The following TRPM3 variants were observed in gnomAD, a reference collection of about 807,000 sequenced individuals.
TRPM3 encodes long transient receptor potential channel 3.
TRPM3 carries 77 observed loss-of-function variants against 181.2 expected under a neutral mutation model. The ratio of observed to expected loss-of-function variants is 0.42; its 90% CI spans 0.35 to 0.51. The LOEUF (loss-of-function observed/expected upper bound fraction) is 0.51. TRPM3 is among the 20% of genes least tolerant of loss of function. TRPM3 has a pLI of 0.01. For synonymous variants in TRPM3, 745 were observed against 796.4 expected, an observed-to-expected ratio of 0.94 and a Z score of 1.09; for missense variants, 1,759 against 2,196.7, an observed-to-expected ratio of 0.80 and a Z score of 3.98.
At chr9:71,342,587 T>C (rs930477539) in intron 1 of TRPM3, among the ~76,000 whole-genome samples, 4 of 152,048 alleles carry the variant, frequency 2.6e-5, no homozygotes, top group African/African-American at 4.8e-5. Context: ...GTCAAGGATG[T>C]GCAGCAACAA....
chr9:70,771,706 T>C (rs1326273227), intron 7 of TRPM3, among the ~76,000 whole-genome samples: 1 of 152,212 alleles, frequency 6.6e-6, no homozygotes, highest in Non-Finnish European at 1.5e-5. Context: ...CTGTAAATCC[T>C]TGGATACCTG....
intron 1 of TRPM3, among the ~76,000 whole-genome samples, chr9:71,189,462 T>C (rs1182459935): frequency 6.6e-6 from 1 of 151,914 alleles, no homozygotes; most frequent in African/African-American, 2.4e-5. Flanking sequence ...GTCTGTATTG[T>C]TCATTTATTG....
At chr9:70,938,400 T>C (rs2096850505) in intron 1 of TRPM3, among the ~76,000 whole-genome samples, 1 of 152,200 alleles carries the variant, frequency 6.6e-6, no homozygotes, top group Non-Finnish European at 1.5e-5. Context: ...CCTTTGTACA[T>C]ATGCTAATGC....
At chr9:71,399,514 ATATTT>A (rs2093283255) in intron 1 of TRPM3, among the ~76,000 whole-genome samples, 3 of 136,066 alleles carry the variant, frequency 2.2e-5, no homozygotes, top group Non-Finnish European at 3.2e-5. Context: ...TTTACTCCTT[ATATTT>A]TCTTTTGTTT....
intron 1 of TRPM3, among the ~76,000 whole-genome samples, chr9:71,267,134 C>T (rs533449012): frequency 1.3e-5 from 2 of 152,036 alleles, no homozygotes; most frequent in African/African-American, 2.4e-5. Flanking sequence ...CACCTCCTGC[C>T]CCCTTCCTAT....
intron 1 of TRPM3, among the ~76,000 whole-genome samples, chr9:71,047,425 A>C (rs1223218766): frequency 6.6e-6 from 1 of 152,146 alleles, no homozygotes. Flanking sequence ...TTTTTTTCTG[A>C]AATTCTTATG....
At chr9:70,929,142 A>C (rs1440270926) in intron 1 of TRPM3, among the ~76,000 whole-genome samples, 1 of 152,046 alleles carries the variant, frequency 6.6e-6, no homozygotes, top group Non-Finnish European at 1.5e-5. Context: ...GTTGCTGGCT[A>C]ATTACAATAG....
At chr9:71,043,570 A>G (rs988743755) in intron 1 of TRPM3, among the ~76,000 whole-genome samples, 2 of 152,198 alleles carry the variant, frequency 1.3e-5, no homozygotes, top group African/African-American at 4.8e-5. Flanking sequence ...CATTTGCTGC[A>G]TAGACCTCTT....
At chr9:71,207,591 T>C (rs143512644) in intron 1 of TRPM3, among the ~76,000 whole-genome samples, 1 of 152,264 alleles carries the variant, frequency 6.6e-6, no homozygotes, top group Non-Finnish European at 1.5e-5. Context: ...TGCATATCAT[T>C]TGGTTAATTC....
At chr9:70,784,503 C>G (rs1470651163) in intron 6 of TRPM3, among the ~76,000 whole-genome samples, 6 of 152,122 alleles carry the variant, frequency 3.9e-5, no homozygotes, top group Non-Finnish European at 2.9e-5. Flanking sequence ...CCCCTCAACT[C>G]TCAGGATGCT....
At chr9:71,098,540 A>C (rs1350103557) in intron 1 of TRPM3, among the ~76,000 whole-genome samples, 1 of 152,170 alleles carries the variant, frequency 6.6e-6, no homozygotes. Flanking sequence ...CTCCCCTATC[A>C]TCCAAGCTTT....
At chr9:71,180,054 T>C (rs934272474) in intron 1 of TRPM3, among the ~76,000 whole-genome samples, 3 of 144,002 alleles carry the variant, frequency 2.1e-5, no homozygotes, top group Admixed American at 7.0e-5. Flanking sequence ...ATCCTTCTTT[T>C]TTTTTTTTTT....
At chr9:70,754,679 T>C (rs909368398) in intron 8 of TRPM3, among the ~76,000 whole-genome samples, 6 of 152,182 alleles carry the variant, frequency 3.9e-5, no homozygotes, top group Non-Finnish European at 7.4e-5. Context: ...ACATCAACTC[T>C]AGAACCAAAT....
chr9:71,253,406 G>A (rs1021804635), intron 1 of TRPM3, among the ~76,000 whole-genome samples: 1 of 152,118 alleles, frequency 6.6e-6, no homozygotes, highest in Non-Finnish European at 1.5e-5. Context: ...GGGCACGTGT[G>A]TACTCCTGTC....
intron 1 of TRPM3, among the ~76,000 whole-genome samples, chr9:70,923,366 C>T (rs895893540): frequency 6.6e-6 from 1 of 151,922 alleles, no homozygotes; most frequent in Non-Finnish European, 1.5e-5. Flanking sequence ...GGATAAAATC[C>T]GTCAAGATTA....
chr9:70,986,589 G>C (rs930078670), intron 1 of TRPM3, among the ~76,000 whole-genome samples: 1 of 152,082 alleles, frequency 6.6e-6, no homozygotes, highest in African/African-American at 2.4e-5. Context: ...AGGAAACAAA[G>C]ACCCAGAGAC....
intron 1 of TRPM3, among the ~76,000 whole-genome samples, chr9:70,881,802 C>T (rs2095998713): frequency 6.6e-6 from 1 of 152,188 alleles, no homozygotes; most frequent in Non-Finnish European, 1.5e-5. Flanking sequence ...CCATTGCTCT[C>T]AAGTGACCAA....
intron 6 of TRPM3, among the ~76,000 whole-genome samples, chr9:70,813,645 C>T (rs35881499): frequency 0.035 from 5,314 of 152,080 alleles, 121 homozygotes; most frequent in Middle Eastern, 0.058. Flanking sequence ...CTGCACCTCC[C>T]GAAACTAAAA....
intron 22 of TRPM3, among the ~76,000 whole-genome samples, chr9:70,568,476 G>T (rs1189297665): frequency 1.3e-5 from 2 of 152,188 alleles, no homozygotes; most frequent in African/African-American, 4.8e-5. Flanking sequence ...AAACACTTTA[G>T]AATTTCTGAC....
Sources: gnomAD v4.1 joint callset for allele counts (sites outside exome capture counted in the v4.1 genomes callset) on GRCh38, gnomAD v4.1.1 for gene constraint, MANE v1.5 for transcripts, NCBI Gene and HGNC (gene_info 2026-07-23, HGNC 2026-07-21) for gene names.